Variants in AGTPBP1 observed in about 807,000 individuals in gnomAD.
AGTPBP1 encodes the protein cytosolic carboxypeptidase 1.
AGTPBP1 carries 70 observed loss-of-function variants against 143.9 expected under a neutral mutation model. The observed-to-expected ratio is 0.49, with a 90% CI of 0.40 to 0.59. The LOEUF (loss-of-function observed/expected upper bound fraction) is 0.59, where lower values mean the gene tolerates loss of function less well. AGTPBP1 is among the 20% of genes least tolerant of loss of function. The pLI is 0.00. For missense variants in AGTPBP1, 1,229 were observed against 1,464.5 expected, an observed-to-expected ratio of 0.84 and a Z score of 2.62; for synonymous variants, 463 against 500.2, an observed-to-expected ratio of 0.93 and a Z score of 0.99.
intron 2 of AGTPBP1, among the ~76,000 whole-genome samples, chr9:85,700,176 C>A (rs957006468): frequency 6.6e-6 from 1 of 152,206 alleles, no homozygotes; most frequent in Non-Finnish European, 1.5e-5. Flanking sequence ...CCTCATTCCT[C>A]TAAGGTCCAC....
intron 11 of AGTPBP1, among the ~76,000 whole-genome samples, chr9:85,653,215 G>A (rs1833279337): frequency 6.8e-6 from 1 of 147,006 alleles, no homozygotes; most frequent in African/African-American, 2.5e-5. Flanking sequence ...GACCAGCCTG[G>A]GAAACATGGG....
intron 11 of AGTPBP1, among the ~76,000 whole-genome samples, chr9:85,651,988 A>G (rs62569175): frequency 0.017 from 2,547 of 152,298 alleles, 25 homozygotes; most frequent in Middle Eastern, 0.054. Context: ...GTAGAGGAGC[A>G]TCTTTTGTTC....
intron 1 of AGTPBP1, among the ~76,000 whole-genome samples, chr9:85,722,449 G>A (rs562225824): frequency 7.4e-4 from 112 of 151,634 alleles, no homozygotes; most frequent in African/African-American, 2.6e-3. Context: ...TCCTTTCTTC[G>A]ACTTGATCGA....
upstream of AGTPBP1, among the ~76,000 whole-genome samples, chr9:85,743,364 G>C (rs1824498199): frequency 6.6e-6 from 1 of 152,152 alleles, no homozygotes; most frequent in South Asian, 2.1e-4. Context: ...AGACCCAGGA[G>C]ATTAACCCAC....
chr9:85,790,940 T>C, the AGTPBP1 span, among the ~76,000 whole-genome samples: 4 of 152,226 alleles, frequency 2.6e-5, no homozygotes, highest in Admixed American at 2.0e-4. Context: ...TTTAAAACTA[T>C]CTATTAATAA....
chr9:85,748,708 T>C, the AGTPBP1 span, among the ~76,000 whole-genome samples: 1 of 152,224 alleles, frequency 6.6e-6, no homozygotes, highest in Non-Finnish European at 1.5e-5. Flanking sequence ...CTTCAGAGTA[T>C]ATCTTTAAAA....
intron 14 of AGTPBP1, among the ~76,000 whole-genome samples, chr9:85,627,251 T>A (rs1587770455): frequency 1.3e-5 from 2 of 152,296 alleles, no homozygotes; most frequent in Non-Finnish European, 2.9e-5. Flanking sequence ...AAGTTATTTA[T>A]GTGCGCGCAC....
At chr9:85,686,390 A>G (rs984093771) in intron 3 of AGTPBP1, among the ~76,000 whole-genome samples, 1 of 152,132 alleles carries the variant, frequency 6.6e-6, no homozygotes, top group Non-Finnish European at 1.5e-5. Flanking sequence ...ATAAAGGGGT[A>G]AATCATCAGG....
At chr9:85,566,309 C>G (rs181664304) in intron 25 of AGTPBP1, among the ~76,000 whole-genome samples, 1 of 151,912 alleles carries the variant, frequency 6.6e-6, no homozygotes. Context: ...TGCTCGAGCC[C>G]AGGAGTTCAA....
chr9:85,574,314 C>T (rs979752817), intron 25 of AGTPBP1, among the ~76,000 whole-genome samples: 2 of 152,028 alleles, frequency 1.3e-5, no homozygotes, highest in Non-Finnish European at 2.9e-5. Flanking sequence ...ATCTCAAGTA[C>T]CCAGGGACAC....
At chr9:85,800,262 A>T in the AGTPBP1 span, among the ~76,000 whole-genome samples, 1 of 152,168 alleles carries the variant, frequency 6.6e-6, no homozygotes, top group Non-Finnish European at 1.5e-5. Flanking sequence ...GGGAGGCAGG[A>T]TCTCATTCTC....
chr9:85,659,508 T>C (rs1403583652), intron 9 of AGTPBP1, among the ~76,000 whole-genome samples: 4 of 152,178 alleles, frequency 2.6e-5, no homozygotes, highest in African/African-American at 9.6e-5. Flanking sequence ...TCAGTTACTT[T>C]TTTTTATTTT....
chr9:85,666,145 A>C (rs898336060), intron 8 of AGTPBP1, among the ~76,000 whole-genome samples: 1 of 152,136 alleles, frequency 6.6e-6, no homozygotes, highest in Admixed American at 6.6e-5. Context: ...GAAGGAAAAA[A>C]AGCTTAAGTC....
rs374990965 is a variant in AGTPBP1, at chr9:85,547,072, A to G, written c.*37T>C. 21 of 1,533,438 alleles carry G rather than the reference A, an allele frequency of 1.4e-5. No individual in the cohort carries two copies. The highest frequency in any genetic ancestry group is 1.5e-5 in the Non-Finnish European group (17 of 1,142,660). The allele number at this position is 1,533,438 out of a possible 1,614,324, so 95.0% of individuals were successfully genotyped here. On this transcript the variant is annotated 3_prime_UTR_variant, in exon 26 of 26. Transcript: ENST00000357081. Reference sequence around the variant, plus strand: ...TGGGAAATAAAAACCAAGATATTTCATTTATTCTTTGCAGTTAACAAGAGA... The same window carrying G: ...TGGGAAATAAAAACCAAGATATTTCGTTTATTCTTTGCAGTTAACAAGAGA...
At chr9:85,770,510 A>T in the AGTPBP1 span, 1 of 1,366,674 alleles carries the variant, frequency 7.3e-7, no homozygotes, top group Non-Finnish European at 1.0e-6. Context: ...TGAGGGTCAG[A>T]ATATTTTTCT....
chr9:85,701,868 T>C (rs1836686888), intron 2 of AGTPBP1, among the ~76,000 whole-genome samples: 1 of 152,208 alleles, frequency 6.6e-6, no homozygotes, highest in Non-Finnish European at 1.5e-5. Flanking sequence ...AGTGTCTGCT[T>C]TCATTACCAT....
Position 85,741,803 on chromosome 9 carries a change from C to A in AGTPBP1, c.-62G>T. On this transcript the variant is annotated 5_prime_UTR_variant, in exon 1 of 26. Coordinates refer to ENST00000357081, the MANE Select transcript of AGTPBP1 (RefSeq NM_001330701.2). ...CTCAGGATGGGGCGCTGGCGGGGAC[C>A]GCGCAGAGCCGCAGCACCCGGCTCA... is the stretch of plus-strand genomic sequence containing the variant. The A allele has an allele frequency of 7.3e-7, 1 of 1,365,888 alleles. No homozygotes were observed. Among genetic ancestry groups the A allele is most frequent in the Non-Finnish European group, 9.4e-7 (1 of 1,061,756 alleles). 84.6% of individuals were successfully genotyped at this position (1,365,888 alleles called of 1,614,324 possible). A position where few individuals can be genotyped will look rare whatever the true frequency, so the allele number is the denominator to read the frequency against.
intron 14 of AGTPBP1, among the ~76,000 whole-genome samples, chr9:85,624,429 A>G (rs576170868): frequency 3.3e-5 from 5 of 152,210 alleles, no homozygotes; most frequent in Non-Finnish European, 7.3e-5. Context: ...GTGCTATAGT[A>G]TTAAATGGCA....
chr9:85,712,563 TA>T lies in AGTPBP1; in HGVS notation c.-31del. On this transcript the variant is annotated splice_region_variant and 5_prime_UTR_variant, in exon 2 of 26. It introduces an in-frame stop codon into an upstream open reading frame of the 5' UTR. Transcript: ENST00000357081. ...AGTTACTTCATTTCATAATTGCAGA[TA>T]ATCTAAAAGAAAAATGTTAATGATA... 1 of 1,427,186 alleles carries T rather than the reference TA, an allele frequency of 7.0e-7. No homozygotes were observed. The highest frequency in any genetic ancestry group is 9.4e-7 in the Non-Finnish European group (1 of 1,060,202). 88.4% of individuals were successfully genotyped at this position (1,427,186 alleles called of 1,614,324 possible). A position where few individuals can be genotyped will look rare whatever the true frequency, so the allele number is the denominator to read the frequency against.
Sources: gnomAD v4.1 joint callset for allele counts (sites outside exome capture counted in the v4.1 genomes callset) on GRCh38, gnomAD v4.1.1 for gene constraint, MANE v1.5 for transcripts, NCBI Gene and HGNC (gene_info 2026-07-23, HGNC 2026-07-21) for gene names.